SLX4IP: variants seen among roughly 807,000 people sequenced by gnomAD.
SLX4IP encodes the protein SLX4 interacting protein.
A neutral mutation model predicts 32.9 loss-of-function variants in SLX4IP; 34 were observed. The ratio of observed to expected loss-of-function variants is 1.03; its 90% CI spans 0.79 to 1.38. The LOEUF is 1.38. SLX4IP is among the 40% of genes most tolerant of loss of function. The pLI is 0.00. For missense variants in SLX4IP, 444 were observed against 479.0 expected, an observed-to-expected ratio of 0.93 and a Z score of 0.68; for synonymous variants, 172 against 171.7, an observed-to-expected ratio of 1.00 and a Z score of -0.01.
At chr20:10,538,210 T>C (rs1260898358) in intron 2 of SLX4IP, among the ~76,000 whole-genome samples, 1 of 152,162 alleles carries the variant, frequency 6.6e-6, no homozygotes, top group African/African-American at 2.4e-5. Context: ...CATTTGTACC[T>C]CTTTTTCTTC....
chr20:10,475,083 T>C (rs1279729129), intron 2 of SLX4IP, among the ~76,000 whole-genome samples: 1 of 152,184 alleles, frequency 6.6e-6, no homozygotes, highest in Non-Finnish European at 1.5e-5. Context: ...TAAGCCAGGA[T>C]CCCTAGAGAG....
At chr20:10,551,829 A>G (rs898832323) in intron 2 of SLX4IP, among the ~76,000 whole-genome samples, 1 of 152,172 alleles carries the variant, frequency 6.6e-6, no homozygotes, top group Non-Finnish European at 1.5e-5. Context: ...AGACAAAGAC[A>G]TGGGCCTCAT....
chr20:10,571,548 A>G (rs191725741), intron 4 of SLX4IP, among the ~76,000 whole-genome samples: 2 of 152,140 alleles, frequency 1.3e-5, no homozygotes, highest in East Asian at 3.9e-4. Flanking sequence ...AAGGAGCCTT[A>G]TCTGATTCTG....
intron 2 of SLX4IP, among the ~76,000 whole-genome samples, chr20:10,491,295 C>G: frequency 6.6e-6 from 1 of 152,094 alleles, no homozygotes; most frequent in East Asian, 1.9e-4. Context: ...AAATTAATGC[C>G]TTTATATTTT....
intron 6 of SLX4IP, among the ~76,000 whole-genome samples, chr20:10,605,399 G>A (rs572281931): frequency 2.0e-5 from 3 of 152,164 alleles, no homozygotes; most frequent in Non-Finnish European, 2.9e-5. Flanking sequence ...GGCAGATCAA[G>A]GCTGCTGAAG....
chr20:10,465,678 G>A (rs2065374759), intron 2 of SLX4IP, among the ~76,000 whole-genome samples: 1 of 152,158 alleles, frequency 6.6e-6, no homozygotes, highest in African/African-American at 2.4e-5. Flanking sequence ...GCTAATTTTT[G>A]TATTTTTAGT....
chr20:10,621,704 GA>G (rs201369424), intron 7 of SLX4IP, among the ~76,000 whole-genome samples: 18,105 of 147,158 alleles, frequency 0.12, 1,307 homozygotes, highest in South Asian at 0.29. Flanking sequence ...GACAGATCTA[GA>G]AAAAAAAAAA....
Position 10,622,906 on chromosome 20 carries a change from A to G in SLX4IP, c.754A>G (p.Ser252Gly). 1 of 1,614,134 alleles carries G rather than the reference A, an allele frequency of 6.2e-7. No individual in the cohort carries two copies. Among genetic ancestry groups the G allele is most frequent in the Non-Finnish European group, 8.5e-7 (1 of 1,180,022 alleles). The change falls in exon 8 of 8, where the codon AGT becomes GGT. Residue 252 changes from serine to glycine, a missense_variant. Transcript: ENST00000334534. Reference protein sequence around the residue: ...KVNQTQPEDTSGQQKPHPGER... With the variant: ...KVNQTQPEDTGGQQKPHPGER... ...TAATCAGACCCAGCCAGAAGACACTAGTGGCCAGCAAAAACCTCATCCTGG... is the reference window on the plus strand; with the variant it reads ...TAATCAGACCCAGCCAGAAGACACTGGTGGCCAGCAAAAACCTCATCCTGG...
intron 2 of SLX4IP, among the ~76,000 whole-genome samples, chr20:10,520,107 A>C (rs1600956163): frequency 6.6e-6 from 1 of 150,888 alleles, no homozygotes; most frequent in East Asian, 2.0e-4. Context: ...GCTGGAGTGC[A>C]GTGGTGCATC....
intron 2 of SLX4IP, among the ~76,000 whole-genome samples, chr20:10,487,822 C>T (rs1471807892): frequency 1.3e-5 from 2 of 152,160 alleles, no homozygotes; most frequent in Non-Finnish European, 2.9e-5. Flanking sequence ...GACATGAGGG[C>T]AGGCATATTG....
At chr20:10,473,202 C>A (rs1005277529) in intron 2 of SLX4IP, among the ~76,000 whole-genome samples, 1 of 152,132 alleles carries the variant, frequency 6.6e-6, no homozygotes, top group Non-Finnish European at 1.5e-5. Context: ...GTGAACCAGG[C>A]CTGATAGGTG....
At chr20:10,466,223 A>T (rs891975299) in intron 2 of SLX4IP, among the ~76,000 whole-genome samples, 1 of 152,244 alleles carries the variant, frequency 6.6e-6, no homozygotes, top group Non-Finnish European at 1.5e-5. Context: ...GCATTTGAAA[A>T]AGTATAGAAT....
chr20:10,517,640 A>T (rs1413400781), intron 2 of SLX4IP, among the ~76,000 whole-genome samples: 6 of 152,158 alleles, frequency 3.9e-5, no homozygotes, highest in Admixed American at 2.0e-4. Context: ...AACAGGGGCT[A>T]ATTGTCCTGC....
intron 6 of SLX4IP, among the ~76,000 whole-genome samples, chr20:10,619,049 C>A (rs1374410260): frequency 3.3e-5 from 5 of 152,168 alleles, no homozygotes; most frequent in African/African-American, 1.2e-4. Flanking sequence ...GACCTGACAG[C>A]TCAGGGGCTG....
chr20:10,455,687 G>T (rs981992733), intron 1 of SLX4IP, among the ~76,000 whole-genome samples: 2 of 151,860 alleles, frequency 1.3e-5, no homozygotes, highest in African/African-American at 2.4e-5. Flanking sequence ...TTGCCACACT[G>T]CAACCTCTGC....
intron 2 of SLX4IP, among the ~76,000 whole-genome samples, chr20:10,513,229 C>T (rs1382747752): frequency 6.6e-6 from 1 of 151,956 alleles, no homozygotes; most frequent in East Asian, 1.9e-4. Flanking sequence ...AGCTGCTAAC[C>T]CCAGGAGTTA....
chr20:10,468,758 T>C (rs1414745549), intron 2 of SLX4IP, among the ~76,000 whole-genome samples: 1 of 152,232 alleles, frequency 6.6e-6, no homozygotes, highest in African/African-American at 2.4e-5. Flanking sequence ...TTTTTTTGAC[T>C]GTTATGTGCA....
At chr20:10,586,431 A>C (rs866298072) in intron 4 of SLX4IP, among the ~76,000 whole-genome samples, 7 of 152,286 alleles carry the variant, frequency 4.6e-5, no homozygotes, top group Middle Eastern at 3.4e-3. Flanking sequence ...TAATATAACG[A>C]ATTTGCTAGT....
At chr20:10,488,759 G>T (rs1369429262) in intron 2 of SLX4IP, among the ~76,000 whole-genome samples, 2 of 152,070 alleles carry the variant, frequency 1.3e-5, no homozygotes, top group East Asian at 1.9e-4. Context: ...AATAAGCAAA[G>T]AATATGTTTT....
Sources: gnomAD v4.1 joint callset for allele counts (sites outside exome capture counted in the v4.1 genomes callset) on GRCh38, gnomAD v4.1.1 for gene constraint, MANE v1.5 for transcripts, NCBI Gene and HGNC (gene_info 2026-07-23, HGNC 2026-07-21) for gene names.